The following PTPN22 variants were observed in gnomAD, a reference collection of about 807,000 sequenced individuals.
The protein encoded by PTPN22 is protein tyrosine phosphatase non-receptor type 22.
Under a neutral mutation model 103.3 loss-of-function variants are expected in PTPN22, and 85 were observed. The ratio of observed to expected loss-of-function variants is 0.82; its 90% CI spans 0.69 to 0.99. The LOEUF is 0.99. PTPN22 is among the 50% of genes least tolerant of loss of function. The pLI, the probability that PTPN22 is intolerant of heterozygous loss-of-function variation, is 0.00. For missense variants in PTPN22, 865 were observed against 936.9 expected, an observed-to-expected ratio of 0.92 and a Z score of 1.00; for synonymous variants, 323 against 310.2, an observed-to-expected ratio of 1.04 and a Z score of -0.43.
intron 1 of PTPN22, among the ~76,000 whole-genome samples, chr1:113,866,634 T>C (rs1306902667): frequency 6.6e-6 from 1 of 152,198 alleles, no homozygotes; most frequent in African/African-American, 2.4e-5. Context: ...AATTTTGGTA[T>C]AATGGTAAGT....
At chr1:113,834,767 C>A in intron 14 of PTPN22, 143 bp downstream of exon 14, 1 of 761,698 alleles carries the variant, frequency 1.3e-6, no homozygotes, top group South Asian at 1.6e-5. Context: ...CACTATGTTG[C>A]GCAGGCTAGT....
chr1:113,838,642 G>C, intron 11 of PTPN22, 22 bp from the exon 12 acceptor site: 1 of 1,602,504 alleles, frequency 6.2e-7, no homozygotes, highest in Non-Finnish European at 8.5e-7. Context: ...ATAAGTCAGA[G>C]GCTGGTTTTC....
At chr1:113,838,691 G>A (rs374710777) in intron 11 of PTPN22, 71 bp from the exon 12 acceptor site, 1 of 1,523,936 alleles carries the variant, frequency 6.6e-7, no homozygotes, top group Non-Finnish European at 8.8e-7. Context: ...ATATTTAGAA[G>A]GCTGAAAAGT....
At chr1:113,867,652 A>G (rs1666226929) in intron 1 of PTPN22, among the ~76,000 whole-genome samples, 1 of 152,196 alleles carries the variant, frequency 6.6e-6, no homozygotes, top group East Asian at 1.9e-4. Flanking sequence ...TTGCATTCCT[A>G]GCATCTAGGG....
At chr1:113,824,300 C>T (rs1257800972) in intron 19 of PTPN22, among the ~76,000 whole-genome samples, 1 of 151,890 alleles carries the variant, frequency 6.6e-6, no homozygotes, top group Non-Finnish European at 1.5e-5. Context: ...CGGGGTTACA[C>T]TATGTTAGCC....
intron 13 of PTPN22, among the ~76,000 whole-genome samples, chr1:113,835,736 G>A (rs1662948385): frequency 6.6e-6 from 1 of 152,070 alleles, no homozygotes; most frequent in East Asian, 1.9e-4. Flanking sequence ...AAAGATTTCA[G>A]TATCTCTTCA....
Position 113,839,566 on chromosome 1 carries a change from T to C in PTPN22, c.916-946A>G, listed in dbSNP as rs191731774. 1.2e-3 allele frequency among the ~76,000 whole-genome samples: 181 copies of C among 152,254 alleles called. 2 individuals are homozygous for C. Among genetic ancestry groups the C allele is most frequent in the African/African-American group, 4.0e-3 (168 of 41,546 alleles). On this transcript the variant is annotated intron_variant, in intron 11 of 20. Transcript: ENST00000359785. ...ATATTATGAAATATGTTATTGTGGT[T>C]CATAGAATCTTAAAATATAATTGAT...
chr1:113,844,095 T>C (rs2102011490), intron 11 of PTPN22, among the ~76,000 whole-genome samples: 1 of 152,296 alleles, frequency 6.6e-6, no homozygotes, highest in African/African-American at 2.4e-5. Flanking sequence ...TTTCTCCCTT[T>C]TTATCTGTGT....
At chr1:113,827,415 TAAGTA>T (rs1181475844) in intron 18 of PTPN22, among the ~76,000 whole-genome samples, 1 of 152,142 alleles carries the variant, frequency 6.6e-6, no homozygotes, top group Non-Finnish European at 1.5e-5. Flanking sequence ...TATGAATATA[TAAGTA>T]AATACACATA....
At chr1:113,835,278 G>A (rs533142681) in intron 13 of PTPN22, among the ~76,000 whole-genome samples, 4 of 152,238 alleles carry the variant, frequency 2.6e-5, no homozygotes, top group South Asian at 2.1e-4. Context: ...CAGCACTTTC[G>A]GAGGCCGAGG....
At chr1:113,827,102 T>C (rs1033969793) in intron 18 of PTPN22, among the ~76,000 whole-genome samples, 4 of 152,246 alleles carry the variant, frequency 2.6e-5, no homozygotes, top group African/African-American at 9.6e-5. Flanking sequence ...CTCAAAGGTG[T>C]TCTGTTCCAA....
chr1:113,871,041 A>G (rs1666534478), intron 1 of PTPN22, among the ~76,000 whole-genome samples: 2 of 152,184 alleles, frequency 1.3e-5, no homozygotes, highest in South Asian at 4.1e-4. Context: ...TCTTAAAAAA[A>G]CAAACAACAA....
At chr1:113,860,766 T>A (rs923487787) in intron 1 of PTPN22, among the ~76,000 whole-genome samples, 4 of 152,210 alleles carry the variant, frequency 2.6e-5, no homozygotes, top group Non-Finnish European at 5.9e-5. Flanking sequence ...TGAAAAGATC[T>A]CAAGTCCCAG....
chr1:113,842,456 A>G (rs1246426704), intron 11 of PTPN22, among the ~76,000 whole-genome samples: 3 of 151,876 alleles, frequency 2.0e-5, no homozygotes, highest in Non-Finnish European at 2.9e-5. Flanking sequence ...CCGGCGGATC[A>G]CGAAGTCAAG....
At chr1:113,837,449 C>CA (rs930687643) in intron 13 of PTPN22, 141 bp downstream of exon 13, 36,091 of 440,506 alleles carry the variant, frequency 0.082, 2 homozygotes, top group East Asian at 0.12. Context: ...GACTCCATCT[C>CA]AAAAAAAAAA....
chr1:113,828,995 T>C (rs1207736568), intron 18 of PTPN22: 2 of 152,182 alleles, frequency 1.3e-5, no homozygotes, highest in African/African-American at 4.8e-5. Flanking sequence ...TGACTCTCTT[T>C]CATTGCTTTT....
chr1:113,837,892 T>C (rs371916399), exon 13 of PTPN22: 301 of 1,614,032 alleles, frequency 1.9e-4, no homozygotes, highest in Non-Finnish European at 2.4e-4. Flanking sequence ...TTTAGAGTCA[T>C]ATGGCAGTGA....
intron 3 of PTPN22, 89 bp from the exon 4 acceptor site, chr1:113,858,662 G>A: frequency 3.9e-6 from 3 of 766,044 alleles, no homozygotes; most frequent in Non-Finnish European, 6.0e-6. Context: ...TTTTTTTTGA[G>A]ATGGTCTCAC....
At chr1:113,827,324 TACTC>T (rs1662170284) in intron 18 of PTPN22, among the ~76,000 whole-genome samples, 1 of 152,228 alleles carries the variant, frequency 6.6e-6, no homozygotes, top group Non-Finnish European at 1.5e-5. Flanking sequence ...TTCAATCTAC[TACTC>T]AGTTTCTAAT....
Sources: gnomAD v4.1 joint callset for allele counts (sites outside exome capture counted in the v4.1 genomes callset) on GRCh38, gnomAD v4.1.1 for gene constraint, MANE v1.5 for transcripts, NCBI Gene and HGNC (gene_info 2026-07-23, HGNC 2026-07-21) for gene names.